Variants in CASP9 observed in about 807,000 individuals in gnomAD.
CASP9 encodes the protein caspase-9.
Under a neutral mutation model 43.5 loss-of-function variants are expected in CASP9, and 29 were observed. The ratio of observed to expected loss-of-function variants is 0.67; its 90% CI spans 0.50 to 0.91. CASP9 has a LOEUF of 0.91. Ranked by LOEUF, CASP9 falls within the 40% of genes least tolerant of loss-of-function variation. The pLI is 0.00. For synonymous variants in CASP9, 206 were observed against 211.9 expected (o/e 0.97, Z 0.24); for missense variants, 575 against 537.4 (o/e 1.07, Z -0.69).
At chr1:15,505,006 G>A (rs1365319828) in intron 5 of CASP9, among the ~76,000 whole-genome samples, 2 of 152,114 alleles carry the variant, frequency 1.3e-5, no homozygotes, top group African/African-American at 4.8e-5. Flanking sequence ...TGCTGGCTGC[G>A]GCCTCTAGAC....
intron 6 of CASP9, 104 bp from the exon 7 acceptor site, chr1:15,495,556 G>A: frequency 2.9e-6 from 3 of 1,051,286 alleles, no homozygotes; most frequent in South Asian, 4.4e-5. Context: ...AGTGTGAAAG[G>A]AAAATAAATC....
At chr1:15,520,823 C>T (rs1003899431) in intron 1 of CASP9, among the ~76,000 whole-genome samples, 3 of 151,068 alleles carry the variant, frequency 2.0e-5, no homozygotes, top group East Asian at 2.0e-4. Flanking sequence ...CGTGGTAGTG[C>T]GCACCTGTAA....
intron 8 of CASP9, chr1:15,493,392 C>G (rs533142435): frequency 1.6e-6 from 2 of 1,229,632 alleles, no homozygotes; most frequent in Non-Finnish European, 2.0e-6. Flanking sequence ...TCAGAGGAAG[C>G]AACTGCTCTG....
At chr1:15,501,321 C>CT (rs1276515276) in intron 6 of CASP9, among the ~76,000 whole-genome samples, 1 of 152,030 alleles carries the variant, frequency 6.6e-6, no homozygotes. Flanking sequence ...GTGCTGTTAC[C>CT]TCCTAATGAA....
rs372966983 is a variant in CASP9 at position 15,517,535 on chromosome 1, A to G, written c.418+575T>C. ...GGGTATGCATAGGTAAAAATCACCC[A>G]GCTTACTCTTGGGATTTATGCATTT... On this transcript the variant is annotated intron_variant, in intron 2 of 8. Transcript: ENST00000333868. Among the ~76,000 whole-genome samples, 66 of 152,332 alleles carry G rather than the reference A, an allele frequency of 4.3e-4. 2 individuals are homozygous for G. In the East Asian group the frequency reaches 0.011, roughly 26 times the overall value.
At chr1:15,516,869 C>T (rs951789584) in intron 2 of CASP9, among the ~76,000 whole-genome samples, 2 of 152,310 alleles carry the variant, frequency 1.3e-5, no homozygotes, top group South Asian at 4.1e-4. Context: ...CAGGTAAGCC[C>T]GGGCTGCAGC....
chr1:15,505,416 C>A (rs1041492925), intron 5 of CASP9, among the ~76,000 whole-genome samples: 1 of 152,204 alleles, frequency 6.6e-6, no homozygotes, highest in African/African-American at 2.4e-5. Flanking sequence ...TCAAGAGAAA[C>A]TAGAAATCCT....
chr1:15,524,900 C>A, upstream of CASP9: 1 of 382,168 alleles, frequency 2.6e-6, no homozygotes, highest in Non-Finnish European at 3.5e-6. Flanking sequence ...CACCGCCCCG[C>A]CCCCAGGATT....
At chr1:15,511,386 G>A (rs1224166606) in intron 2 of CASP9, among the ~76,000 whole-genome samples, 1 of 150,568 alleles carries the variant, frequency 6.6e-6, no homozygotes, top group Non-Finnish European at 1.5e-5. Context: ...CAAGTAGCTA[G>A]GACTACACCA....
chr1:15,519,640 G>C (rs1242921749), intron 1 of CASP9, among the ~76,000 whole-genome samples: 1 of 152,142 alleles, frequency 6.6e-6, no homozygotes, highest in African/African-American at 2.4e-5. Context: ...GGACAAAGCA[G>C]AGATACAAAG....
intron 2 of CASP9, among the ~76,000 whole-genome samples, chr1:15,508,941 T>C (rs1709629991): frequency 6.6e-6 from 1 of 152,206 alleles, no homozygotes. Flanking sequence ...CCCATCTGCA[T>C]AACACAAGAT....
rs1710041686 is a variant in CASP9 at position 15,518,367 on chromosome 1, T to C, written c.161A>G (p.Gln54Arg). 6.2e-7 allele frequency: 1 copy of C among 1,613,236 alleles called. No individual in the cohort carries two copies. The highest frequency in any genetic ancestry group is 1.3e-5 in the African/African-American group (1 of 75,028). The part of the protein sequence containing the change: ...QRAGSGSRRD[Q>R]ARQLIIDLET... ...CAGATCTATGATCAGCTGCCTGGCC[T>C]GATCCCGCCGAGATCCAGAGCCTGC... Residue 54 changes from glutamine (Q) to arginine (R), a missense_variant, in exon 2 of 9, where the codon CAG becomes CGG. Transcript: ENST00000333868.
intron 1 of CASP9, among the ~76,000 whole-genome samples, chr1:15,521,100 T>A (rs529883812): frequency 3.6e-5 from 5 of 139,958 alleles, no homozygotes; most frequent in Non-Finnish European, 6.0e-5. Flanking sequence ...GAGCTTGCAG[T>A]GAGCCGAGAT....
chr1:15,517,079 C>T (rs1018663110), intron 2 of CASP9, among the ~76,000 whole-genome samples: 1 of 152,178 alleles, frequency 6.6e-6, no homozygotes, highest in Non-Finnish European at 1.5e-5. Context: ...TGATTATTAA[C>T]TTTGATACCA....
chr1:15,497,037 C>T (rs1369113533), intron 6 of CASP9, among the ~76,000 whole-genome samples: 1 of 152,076 alleles, frequency 6.6e-6, no homozygotes. Flanking sequence ...GAGCCGGGCA[C>T]AGTGGCTCAC....
chr1:15,498,103 TGA>T (rs1373463322), intron 6 of CASP9, among the ~76,000 whole-genome samples: 3 of 152,154 alleles, frequency 2.0e-5, no homozygotes, highest in East Asian at 1.9e-4. Flanking sequence ...TTTTGTTTTT[TGA>T]GAGAGTCTCA....
intron 5 of CASP9, 83 bp downstream of exon 5, chr1:15,505,907 C>T (rs1709500134): frequency 1.7e-5 from 19 of 1,097,842 alleles, no homozygotes; most frequent in South Asian, 1.6e-4. Flanking sequence ...GTTTTGGACA[C>T]AAGAAGGGAC....
At position 15,515,726 on chromosome 1, in the gene CASP9, T is replaced by C. The variant is rs1397578194; in HGVS notation, c.418+2384A>G. On this transcript the variant is annotated intron_variant, in intron 2 of 8. Transcript: ENST00000333868. ...CACTGTTGGCAAGAATGTGGGAAAGTGGTCACCTTCACTCGCAGTTGGTGA... is the reference window on the plus strand; with the variant it reads ...CACTGTTGGCAAGAATGTGGGAAAGCGGTCACCTTCACTCGCAGTTGGTGA... Among the ~76,000 whole-genome samples the C allele has an allele frequency of 3.3e-5, 5 of 152,290 alleles. No homozygotes were observed. In the East Asian group the frequency reaches 7.7e-4, roughly 24 times the overall value.
At chr1:15,524,336 C>T (rs1710356221), upstream of CASP9, 2 of 1,427,294 alleles carry the variant, frequency 1.4e-6, no homozygotes, top group South Asian at 2.9e-5. Context: ...TCGCTCCCCA[C>T]CGCCTCCGGA....
Sources: allele counts gnomAD v4.1 joint callset (sites outside exome capture counted in the v4.1 genomes callset), GRCh38; gene constraint gnomAD v4.1.1; transcripts MANE v1.5; gene names NCBI Gene and HGNC (gene_info 2026-07-23, HGNC 2026-07-21).